The following PRKCB variants were observed in gnomAD, a reference collection of about 807,000 sequenced individuals.
PRKCB encodes the protein protein kinase C beta type.
PRKCB carries 13 observed loss-of-function variants against 81.5 expected under a neutral mutation model. The observed-to-expected ratio is 0.16, with a 90% CI of 0.10 to 0.25. PRKCB has a LOEUF of 0.25. PRKCB is among the 10% of genes least tolerant of loss of function. The probability of loss-of-function intolerance (pLI) is 1.00; values close to 1 mark genes in which losing one functional copy is unlikely to be tolerated. For synonymous variants in PRKCB, 335 were observed against 321.4 expected (o/e 1.04, Z -0.45); for missense variants, 509 against 875.7 (o/e 0.58, Z 5.29).
intron 2 of PRKCB, among the ~76,000 whole-genome samples, chr16:23,904,667 GAACAAC>G (rs751391052): frequency 6.6e-6 from 1 of 151,888 alleles, no homozygotes; most frequent in East Asian, 1.9e-4. Flanking sequence ...CATCTCAAAA[GAACAAC>G]AACAACAACA....
At chr16:24,026,271 C>A (rs1000793372) in intron 3 of PRKCB, among the ~76,000 whole-genome samples, 2 of 152,166 alleles carry the variant, frequency 1.3e-5, no homozygotes, top group South Asian at 4.1e-4. Context: ...CTCCAGCCTG[C>A]ATGACAGAGC....
intron 3 of PRKCB, among the ~76,000 whole-genome samples, chr16:24,020,976 T>TTTTC (rs59486748): frequency 0.076 from 7,252 of 95,826 alleles, 285 homozygotes; most frequent in Non-Finnish European, 0.093. Context: ...AGACTTTTCT[T>TTTTC]TTTCTTTCTT....
intron 5 of PRKCB, among the ~76,000 whole-genome samples, chr16:24,068,242 AGT>A (rs1452565697): frequency 1.3e-5 from 2 of 152,144 alleles, no homozygotes; most frequent in Non-Finnish European, 2.9e-5. Flanking sequence ...CAACCTCTGC[AGT>A]GTGATTGGTA....
intron 3 of PRKCB, among the ~76,000 whole-genome samples, chr16:24,017,010 T>C (rs1430014901): frequency 6.6e-6 from 1 of 152,210 alleles, no homozygotes; most frequent in African/African-American, 2.4e-5. Context: ...AAGCAGCCAA[T>C]GATTGGCATT....
chr16:24,174,354 T>G (rs976179975), intron 11 of PRKCB, 164 bp from the exon 12 acceptor site: 4 of 631,018 alleles, frequency 6.3e-6, no homozygotes, highest in Non-Finnish European at 1.1e-5. Flanking sequence ...AAACCACCCT[T>G]TGAATCCATC....
chr16:24,193,088 TAGCTGGGACTACAGG>T (rs1390856910), intron 16 of PRKCB, among the ~76,000 whole-genome samples: 1 of 151,884 alleles, frequency 6.6e-6, no homozygotes, highest in African/African-American at 2.4e-5. Context: ...GCCTCCTGAG[TAGCTGGGACTACAGG>T]AGTGTACCAC....
chr16:24,151,867 A>G (rs1329538564), intron 9 of PRKCB: 4 of 455,568 alleles, frequency 8.8e-6, no homozygotes, highest in African/African-American at 4.0e-5. Context: ...TAATTGACAC[A>G]GATGTAGGAT....
Position 23,836,022 on chromosome 16 carries a change from C to G in PRKCB, c.-154C>G, listed in dbSNP as rs923993890. The G allele has an allele frequency of 4.1e-5, 14 of 337,594 alleles. 1 individual carries two copies. Among genetic ancestry groups the G allele is most frequent in the Non-Finnish European group, 5.0e-5 (12 of 238,812 alleles). The allele number at this position is 337,594 out of a possible 1,614,324, so 20.9% of individuals were successfully genotyped here. A position where few individuals can be genotyped will look rare whatever the true frequency, so the allele number is the denominator to read the frequency against. ...AGCTGGGCGAGTGACAGCCCCGGCT[C>G]CGCGCGCCGCGGCCGCCAGAGCCGG... On this transcript the variant is annotated 5_prime_UTR_variant, in exon 1 of 17. Coordinates refer to ENST00000643927, the MANE Select transcript of PRKCB (RefSeq NM_002738.7).
Position 23,913,978 on chromosome 16 carries a change from G to C in PRKCB, c.206-74530G>C, listed in dbSNP as rs530971044. On this transcript the variant is annotated intron_variant, in intron 2 of 16. Coordinates refer to ENST00000643927, the MANE Select transcript of PRKCB (RefSeq NM_002738.7). ...GTTGTAGGGGTGGGAATGCTCCCCA[G>C]TATGTGAAAATATCCCCAAGCTGTG... is the stretch of plus-strand genomic sequence containing the variant. Among the ~76,000 whole-genome samples the C allele has an allele frequency of 2.7e-4, 41 of 152,158 alleles. No homozygotes were observed. In the East Asian group the frequency reaches 7.5e-3, roughly 28 times the overall value.
intron 4 of PRKCB, among the ~76,000 whole-genome samples, chr16:24,033,343 A>T (rs1317630439): frequency 6.6e-6 from 1 of 152,200 alleles, no homozygotes; most frequent in East Asian, 1.9e-4. Flanking sequence ...GCATAGACAG[A>T]CACAGATGCA....
At chr16:23,881,839 A>G (rs11864224) in intron 2 of PRKCB, among the ~76,000 whole-genome samples, 3,004 of 151,878 alleles carry the variant, frequency 0.02, 101 homozygotes, top group African/African-American at 0.068. Flanking sequence ...CTTCCTCCCC[A>G]CCGAGCCTCT....
chr16:23,885,576 G>C (rs1441896857), intron 2 of PRKCB, among the ~76,000 whole-genome samples: 1 of 151,962 alleles, frequency 6.6e-6, no homozygotes, highest in Non-Finnish European at 1.5e-5. Context: ...CAAAGTGCTG[G>C]GATTACAGGC....
At chr16:24,160,588 A>G (rs1198439168) in intron 10 of PRKCB, among the ~76,000 whole-genome samples, 1 of 152,234 alleles carries the variant, frequency 6.6e-6, no homozygotes, top group Non-Finnish European at 1.5e-5. Context: ...ACAAAGACTT[A>G]TTCATTGAAA....
rs1271381082 is a variant in PRKCB at position 24,191,229 on chromosome 16, C to G, written c.1862C>G (p.Ala621Gly). 16 of 1,614,028 alleles carry G rather than the reference C, an allele frequency of 9.9e-6. No individual in the cohort carries two copies. The highest frequency in any genetic ancestry group is 1.2e-5 in the Non-Finnish European group (14 of 1,179,920). ...KEIQPPYKPK[A>G]CGRNAENFDR... The stretch of plus-strand genomic sequence containing the variant: ...ATCCAGCCCCCTTATAAGCCAAAAG[C>G]TGTAAGTAGCCCATTCTCTCTGACT... The change falls in exon 16 of 17, where the codon GCT becomes GGT. Residue 621 changes from alanine to glycine, a missense_variant and splice_region_variant. Transcript: ENST00000643927.
At chr16:23,966,317 G>T (rs1964486432) in intron 2 of PRKCB, among the ~76,000 whole-genome samples, 1 of 152,092 alleles carries the variant, frequency 6.6e-6, no homozygotes, top group African/African-American at 2.4e-5. Context: ...TTTTTCATGT[G>T]TTCTGGCCTG....
chr16:23,909,217 C>T (rs1963613852), intron 2 of PRKCB, among the ~76,000 whole-genome samples: 1 of 152,212 alleles, frequency 6.6e-6, no homozygotes, highest in African/African-American at 2.4e-5. Flanking sequence ...AAATAGGCCA[C>T]ATTTCACGGA....
chr16:24,051,392 C>T (rs1965840492), intron 5 of PRKCB, among the ~76,000 whole-genome samples: 1 of 152,102 alleles, frequency 6.6e-6, no homozygotes, highest in Non-Finnish European at 1.5e-5. Context: ...GGGTAATTAG[C>T]ACAGGCTGGC....
intron 2 of PRKCB, among the ~76,000 whole-genome samples, chr16:23,967,950 G>C (rs549143102): frequency 8.3e-4 from 127 of 152,280 alleles, no homozygotes; most frequent in Non-Finnish European, 1.4e-3. Flanking sequence ...CCACTGCGCC[G>C]GGCCTTTTAT....
At chr16:23,998,652 T>C (rs566929209) in intron 3 of PRKCB, among the ~76,000 whole-genome samples, 3 of 152,242 alleles carry the variant, frequency 2.0e-5, no homozygotes, top group Non-Finnish European at 2.9e-5. Context: ...GAGTATCAAA[T>C]ACATAGATAT....
Sources: gnomAD v4.1 joint callset for allele counts (sites outside exome capture counted in the v4.1 genomes callset) on GRCh38, gnomAD v4.1.1 for gene constraint, MANE v1.5 for transcripts, NCBI Gene and HGNC (gene_info 2026-07-23, HGNC 2026-07-21) for gene names.